ITPKB: variants seen among roughly 807,000 people sequenced by gnomAD.
ITPKB encodes IP3 3-kinase B.
A neutral mutation model predicts 69.4 loss-of-function variants in ITPKB; 13 were observed. The observed-to-expected ratio is 0.19, with a 90% confidence interval of 0.12 to 0.30. ITPKB has a LOEUF of 0.30. Ranked by LOEUF, ITPKB falls within the 10% of genes least tolerant of loss-of-function variation. The pLI is 1.00. For synonymous variants in ITPKB, 584 were observed against 513.7 expected (o/e 1.14, Z -1.85); for missense variants, 1,240 against 1,250.5 (o/e 0.99, Z 0.13).
intron 2 of ITPKB, among the ~76,000 whole-genome samples, chr1:226,671,230 A>G (rs1669611936): frequency 6.6e-6 from 1 of 152,226 alleles, no homozygotes; most frequent in Admixed American, 6.5e-5. Context: ...CTAGACTCCT[A>G]GGGTGGAGGC....
At position 226,736,527 on chromosome 1, in the gene ITPKB, G is replaced by T. The variant is rs1438895458; in HGVS notation, c.932C>A (p.Thr311Lys). The T allele has an allele frequency of 4.3e-6, 7 of 1,613,960 alleles. No homozygotes were observed. The South Asian group carries it at 6.6e-5, about 15-fold the overall frequency. Residue 311 changes from threonine (T) to lysine (K), a missense_variant, in exon 2 of 8, where the codon ACA (threonine) becomes AAA (lysine). Thr to Lys is a moderately conservative substitution (Grantham distance 78). Coordinates refer to ENST00000429204, the MANE Select transcript of ITPKB (RefSeq NM_002221.4). ...TMATEVAARV[T>K]STGPHRPQDL... The stretch of plus-strand genomic sequence containing the variant: ...CTGTGGACGGTGTGGCCCAGTGGAT[G>T]TAACTCTCGCTGCCACTTCCGTGGC...
At chr1:226,665,446 A>G (rs1217167780) in intron 2 of ITPKB, among the ~76,000 whole-genome samples, 1 of 152,234 alleles carries the variant, frequency 6.6e-6, no homozygotes, top group Non-Finnish European at 1.5e-5. Flanking sequence ...CCAAAACTGT[A>G]GGGAGGACTA....
intron 2 of ITPKB, among the ~76,000 whole-genome samples, chr1:226,686,537 C>T (rs1571858348): frequency 1.3e-5 from 2 of 152,186 alleles, no homozygotes; most frequent in Admixed American, 6.5e-5. Flanking sequence ...AAGCTCCTGC[C>T]CTGCCTCTGT....
intron 2 of ITPKB, among the ~76,000 whole-genome samples, chr1:226,697,520 G>C (rs1032777987): frequency 6.6e-6 from 1 of 152,172 alleles, no homozygotes; most frequent in Non-Finnish European, 1.5e-5. Flanking sequence ...GGTCAGGTGA[G>C]GGAATCTCTT....
At chr1:226,733,663 T>A (rs1657661614) in intron 2 of ITPKB, among the ~76,000 whole-genome samples, 1 of 152,142 alleles carries the variant, frequency 6.6e-6, no homozygotes, top group African/African-American at 2.4e-5. Flanking sequence ...GGCTCTGCTC[T>A]GCGGGTGTCT....
intron 2 of ITPKB, among the ~76,000 whole-genome samples, chr1:226,707,023 G>A (rs1463132166): frequency 3.3e-5 from 5 of 152,140 alleles, no homozygotes; most frequent in African/African-American, 9.7e-5. Flanking sequence ...TCATCACTAA[G>A]GGTGGTTGCA....
rs568508747 is a variant in ITPKB, at chr1:226,695,104, C to G, written c.1932+40423G>C. On this transcript the variant is annotated intron_variant, in intron 2 of 7. Coordinates refer to ENST00000429204, the MANE Select transcript of ITPKB (RefSeq NM_002221.4). ...AATTAGCCGGGTGTGGTGATGCACGCCTGTAGTCTCAGCTACTCAGAAGGC... is the reference window on the plus strand; with the variant it reads ...AATTAGCCGGGTGTGGTGATGCACGGCTGTAGTCTCAGCTACTCAGAAGGC... Among the ~76,000 whole-genome samples, 572 of 152,262 alleles carry G rather than the reference C, an allele frequency of 3.8e-3. 4 individuals carry two copies. The highest frequency in any genetic ancestry group is 0.013 in the African/African-American group (554 of 41,546).
intron 2 of ITPKB, chr1:226,659,467 C>T (rs1233631448): frequency 6.6e-6 from 1 of 152,232 alleles, no homozygotes; most frequent in Non-Finnish European, 1.5e-5. Context: ...CCATACCTGC[C>T]CCACCTCCAG....
At position 226,738,474 on chromosome 1, in the gene ITPKB, G is replaced by GTA. The variant is rs1437369972; in HGVS notation, c.-206+565_-206+566dup. ...TGGGGGGGTGTCTGTGAGTGTGTGT[G>GTA]TATACACGCGTGTGTGTATACGCCG... is the stretch of plus-strand genomic sequence containing the variant. On this transcript the variant is annotated intron_variant, in intron 1 of 7. Transcript: ENST00000429204. The surrounding 1 kb of genome is among the most constrained non-coding windows in gnomAD (Gnocchi z 4.2). Among the ~76,000 whole-genome samples the GTA allele has an allele frequency of 2.0e-5, 3 of 152,188 alleles. No individual in the cohort carries two copies. The highest frequency in any genetic ancestry group is 4.4e-5 in the Non-Finnish European group (3 of 68,036).
rs1000143885 is a variant in ITPKB, at chr1:226,669,578, A to G, written c.1933-20807T>C. Among the ~76,000 whole-genome samples the G allele has an allele frequency of 7.9e-5, 12 of 152,358 alleles. 1 individual carries two copies. In the South Asian group the frequency reaches 1.0e-3, roughly 13 times the overall value. On this transcript the variant is annotated intron_variant, in intron 2 of 7. Coordinates refer to ENST00000429204, the MANE Select transcript of ITPKB (RefSeq NM_002221.4). ...GGACTACTGTCTCTAGGTAAATAAC[A>G]GAGAAAATTACCAAGAACTATGACT... is the stretch of plus-strand genomic sequence containing the variant.
Position 226,738,002 on chromosome 1 carries a change from G to A in ITPKB, c.-205-339C>T, listed in dbSNP as rs540481195. Among the ~76,000 whole-genome samples, 1 of 152,276 alleles carries A rather than the reference G, an allele frequency of 6.6e-6. No individual in the cohort carries two copies. Among genetic ancestry groups the A allele is most frequent in the East Asian group, 1.9e-4 (1 of 5,162 alleles). On this transcript the variant is annotated intron_variant, in intron 1 of 7. Transcript: ENST00000429204. This position sits in a 1 kb window ranked among gnomAD's most constrained non-coding sequence, Gnocchi z 4.2. ...CTCCTAAGTATGCTGTGTGCGGGGC[G>A]CGGCTGACTCAGCTCTCCCGGGCTG...
At chr1:226,646,213 G>A (rs763152856) in intron 4 of ITPKB, among the ~76,000 whole-genome samples, 4 of 152,206 alleles carry the variant, frequency 2.6e-5, no homozygotes, top group African/African-American at 7.2e-5. Context: ...CGTCCAGCCC[G>A]GGTGCTGCAG....
At chr1:226,702,519 G>A (rs1158859332) in intron 2 of ITPKB, among the ~76,000 whole-genome samples, 1 of 152,150 alleles carries the variant, frequency 6.6e-6, no homozygotes. Context: ...CCTCACTGTG[G>A]CTATCTGGTT....
rs143869693 is a variant in ITPKB at position 226,735,884 on chromosome 1, C to T, written c.1575G>A (p.Gly525=). ...KAGLAWTRGT[G]VQSEGTWESQ... is the part of the protein sequence containing the mutation. ...TTTCCCAAGTCCCCTCTGATTGCAC[C>T]CCTGTGCCACGCGTCCAAGCCAAAC... The change falls in exon 2 of 8, where the codon GGG becomes GGA. Residue 525 remains glycine, a synonymous_variant. Coordinates refer to ENST00000429204, the MANE Select transcript of ITPKB (RefSeq NM_002221.4). 6.2e-7 allele frequency: 1 copy of T among 1,611,872 alleles called. No homozygotes were observed. The highest frequency in any genetic ancestry group is 2.2e-5 in the East Asian group (1 of 44,826).
Position 226,737,279 on chromosome 1 carries a change from TG to T in ITPKB, c.179del (p.Pro60GlnfsTer23). ...PGRGASFLFP[P>X]AESLSPEEPR... ...GCTCCTCGGGGGACAGCGACTCGGCTGGGGGGAAGAGGAAAGAGGCGCCTCT... is the reference window on the plus strand; with the variant it reads ...GCTCCTCGGGGGACAGCGACTCGGCTGGGGGAAGAGGAAAGAGGCGCCTCT... On this transcript the variant is annotated frameshift_variant, in exon 2 of 8. Coordinates refer to ENST00000429204, the MANE Select transcript of ITPKB (RefSeq NM_002221.4). LOFTEE classifies it high-confidence loss of function. 1.3e-6 allele frequency: 2 copies of T among 1,556,906 alleles called. No individual in the cohort carries two copies. The highest frequency in any genetic ancestry group is 8.6e-7 in the Non-Finnish European group (1 of 1,158,816).
In ITPKB at chr1:226,694,550, A is replaced by G. The variant is rs955251330; in HGVS notation, c.1932+40977T>C. 3.9e-5 allele frequency among the ~76,000 whole-genome samples: 6 copies of G among 152,326 alleles called. No homozygotes were observed. In the South Asian group the frequency reaches 8.3e-4, roughly 21 times the overall value. On this transcript the variant is annotated intron_variant, in intron 2 of 7. Transcript: ENST00000429204. ...TTTATCAGGTACTTTTACACATCTT[A>G]TCTCATTTGAGCCTCCAAGTCAAGG...
At chr1:226,723,729 C>T (rs1235079064) in intron 2 of ITPKB, among the ~76,000 whole-genome samples, 1 of 152,130 alleles carries the variant, frequency 6.6e-6, no homozygotes, top group Admixed American at 6.5e-5. Context: ...CATTTTGTGT[C>T]TGGATGACCT....
chr1:226,643,097 T>C (rs1337292823), intron 4 of ITPKB, among the ~76,000 whole-genome samples: 1 of 151,966 alleles, frequency 6.6e-6, no homozygotes, highest in Admixed American at 6.5e-5. Context: ...TGCTTCCAAC[T>C]CAACTGCCTC....
Position 226,735,746 on chromosome 1 carries a change from AATG to A in ITPKB, c.1710_1712del (p.Ile571del), listed in dbSNP as rs966120102. The A allele has an allele frequency of 6.3e-7, 1 of 1,592,672 alleles. No homozygotes were observed. The highest frequency in any genetic ancestry group is 1.3e-5 in the African/African-American group (1 of 74,486). On this transcript the variant is annotated inframe_deletion, in exon 2 of 8. Coordinates refer to ENST00000429204, the MANE Select transcript of ITPKB (RefSeq NM_002221.4). ...CATCCTCCTGGGTGCCCATGTCTGT[AATG>A]ATGACAGCAGGTATGTTGCTGGGGC...
Sources: gnomAD v4.1 joint callset for allele counts (sites outside exome capture counted in the v4.1 genomes callset) on GRCh38, gnomAD v4.1.1 for gene constraint, Gnocchi (gnomAD v3.1) non-coding constraint, MANE v1.5 for transcripts, NCBI Gene and HGNC (gene_info 2026-07-23, HGNC 2026-07-21) for gene names.